Variants in METTL15 observed in about 807,000 individuals in gnomAD.
The protein encoded by METTL15 is 12S rRNA N(4)-cytidine methyltransferase METTL15.
A neutral mutation model predicts 38.3 loss-of-function variants in METTL15; 34 were observed. The observed-to-expected ratio is 0.89, with a 90% CI of 0.68 to 1.18. The LOEUF is 1.18. METTL15 is among the 50% of genes most tolerant of loss of function. METTL15 has a pLI of 0.00. For missense variants in METTL15, 438 were observed against 498.4 expected, an observed-to-expected ratio of 0.88 and a Z score of 1.15; for synonymous variants, 162 against 170.9, an observed-to-expected ratio of 0.95 and a Z score of 0.41.
chr11:28,268,322 A>G (rs1363334884), intron 4 of METTL15, among the ~76,000 whole-genome samples: 1 of 151,930 alleles, frequency 6.6e-6, no homozygotes, highest in East Asian at 1.9e-4. Context: ...TAACTTAAAT[A>G]TAATTACCTT....
intron 6 of METTL15, among the ~76,000 whole-genome samples, chr11:28,518,857 C>G (rs1288180723): frequency 6.6e-6 from 1 of 152,176 alleles, no homozygotes; most frequent in Non-Finnish European, 1.5e-5. Flanking sequence ...AGGGTTTTAA[C>G]TGTGAGGCTA....
intron 6 of METTL15, chr11:28,526,342 C>T (rs1851812177): frequency 6.5e-6 from 1 of 153,988 alleles, no homozygotes. Context: ...CATGCTGTCA[C>T]CTCTCAGTTA....
chr11:28,384,431 C>T (rs1277701866), intron 5 of METTL15, among the ~76,000 whole-genome samples: 1 of 152,018 alleles, frequency 6.6e-6, no homozygotes, highest in Non-Finnish European at 1.5e-5. Flanking sequence ...GCTTCAGCCT[C>T]CCAAGTAGCT....
intron 6 of METTL15, among the ~76,000 whole-genome samples, chr11:28,498,880 C>G (rs1851557881): frequency 6.6e-6 from 1 of 152,150 alleles, no homozygotes; most frequent in Non-Finnish European, 1.5e-5. Context: ...GTCTTTCCTA[C>G]TTTTTATTCC....
Position 28,244,723 on chromosome 11 carries a change from G to C in METTL15, c.407+33525G>C, listed in dbSNP as rs1854440484. ...ACAAAGGTATACACTTTTAATGAGA[G>C]GATTATATGCAGTGATTGAATAGTT... On this transcript the variant is annotated intron_variant, in intron 4 of 6. Transcript: ENST00000407364. Among the ~76,000 whole-genome samples the C allele has an allele frequency of 2.0e-5, 3 of 152,174 alleles. No individual in the cohort carries two copies. The South Asian group carries it at 6.2e-4, about 32-fold the overall frequency.
intron 4 of METTL15, among the ~76,000 whole-genome samples, chr11:28,241,294 G>A (rs1366577566): frequency 1.3e-5 from 2 of 152,144 alleles, no homozygotes; most frequent in African/African-American, 4.8e-5. Flanking sequence ...AGCACTTTGG[G>A]AGGCTGAGGC....
chr11:28,273,579 C>CAT (rs1855729018), intron 4 of METTL15, among the ~76,000 whole-genome samples: 2 of 151,960 alleles, frequency 1.3e-5, no homozygotes, highest in African/African-American at 4.8e-5. Flanking sequence ...TTTCAGGTGT[C>CAT]ACATATATAT....
At chr11:28,441,566 T>G (rs1235780616) in intron 6 of METTL15, among the ~76,000 whole-genome samples, 1 of 152,204 alleles carries the variant, frequency 6.6e-6, no homozygotes, top group Admixed American at 6.5e-5. Context: ...CACCACTGTA[T>G]TCTATTTCTG....
At chr11:28,423,352 C>T (rs1002943826) in intron 5 of METTL15, among the ~76,000 whole-genome samples, 8 of 151,542 alleles carry the variant, frequency 5.3e-5, no homozygotes, top group Non-Finnish European at 8.9e-5. Context: ...AGGTAGATAC[C>T]CCCCCAAAAA....
At chr11:28,313,605 G>T (rs888472702) in intron 6 of METTL15, among the ~76,000 whole-genome samples, 1 of 150,952 alleles carries the variant, frequency 6.6e-6, no homozygotes, top group Non-Finnish European at 1.5e-5. Flanking sequence ...ATATGCTATC[G>T]CATGTTAATT....
At chr11:28,229,461 T>G (rs1853603199) in intron 4 of METTL15, among the ~76,000 whole-genome samples, 1 of 152,010 alleles carries the variant, frequency 6.6e-6, no homozygotes. Context: ...CTCTGAATAT[T>G]GGTGTCTCCC....
intron 5 of METTL15, among the ~76,000 whole-genome samples, chr11:28,405,141 T>C (rs1850663338): frequency 6.6e-6 from 1 of 152,174 alleles, no homozygotes; most frequent in East Asian, 1.9e-4. Context: ...AACTAGCTAA[T>C]GGCAAAGCTG....
At chr11:28,330,017 T>G (rs1849762912) in intron 6 of METTL15, among the ~76,000 whole-genome samples, 1 of 152,216 alleles carries the variant, frequency 6.6e-6, no homozygotes, top group South Asian at 2.1e-4. Flanking sequence ...TGTAGTAGTT[T>G]TATGATATGC....
In METTL15 at chr11:28,249,593, C is replaced by T. The variant is rs966761291; in HGVS notation, c.407+38395C>T. Among the ~76,000 whole-genome samples, 5 of 151,960 alleles carry T rather than the reference C, an allele frequency of 3.3e-5. No individual in the cohort carries two copies. The South Asian group carries it at 8.3e-4, about 25-fold the overall frequency. Reference sequence around the variant, plus strand: ...AGTAAGTATTCATGAATGGATAAGTCGTGTCTTTACATCACTAAAGAGTTA... The same window carrying T: ...AGTAAGTATTCATGAATGGATAAGTTGTGTCTTTACATCACTAAAGAGTTA... On this transcript the variant is annotated intron_variant, in intron 4 of 6. Coordinates refer to ENST00000407364, the MANE Select transcript of METTL15 (RefSeq NM_001113528.2).
intron 6 of METTL15, among the ~76,000 whole-genome samples, chr11:28,309,770 A>T (rs1857210369): frequency 6.6e-6 from 1 of 152,098 alleles, no homozygotes; most frequent in Non-Finnish European, 1.5e-5. Flanking sequence ...AGTCTCTGGG[A>T]TGGAAACTTC....
chr11:28,258,062 G>A (rs1309390569), intron 4 of METTL15, among the ~76,000 whole-genome samples: 1 of 152,202 alleles, frequency 6.6e-6, no homozygotes, highest in East Asian at 1.9e-4. Context: ...AGACTTGGAA[G>A]TTGTGATCTA....
intron 4 of METTL15, among the ~76,000 whole-genome samples, chr11:28,239,039 C>T (rs1854166617): frequency 6.6e-6 from 1 of 151,962 alleles, no homozygotes; most frequent in Non-Finnish European, 1.5e-5. Context: ...TGTTCTTCTT[C>T]AGGGCTCATT....
At chr11:28,509,396 T>A (rs1485688025) in intron 6 of METTL15, among the ~76,000 whole-genome samples, 1 of 151,978 alleles carries the variant, frequency 6.6e-6, no homozygotes, top group East Asian at 1.9e-4. Context: ...ATGAGTGAGG[T>A]TTTTCTAACT....
chr11:28,309,283 A>G (rs1857191518), intron 6 of METTL15, among the ~76,000 whole-genome samples: 1 of 152,058 alleles, frequency 6.6e-6, no homozygotes, highest in South Asian at 2.1e-4. Flanking sequence ...CACAAATCTC[A>G]CTTTTGACAC....
Sources: allele counts gnomAD v4.1 joint callset (sites outside exome capture counted in the v4.1 genomes callset), GRCh38; gene constraint gnomAD v4.1.1; transcripts MANE v1.5; gene names NCBI Gene and HGNC (gene_info 2026-07-23, HGNC 2026-07-21).